The following PANK3 variants were observed in gnomAD, a reference collection of about 807,000 sequenced individuals.
PANK3 encodes pantothenate kinase 3, also known as hPanK3.
PANK3 carries 20 observed loss-of-function variants against 39.4 expected under a neutral mutation model. That is an observed-to-expected ratio of 0.51 (90% CI 0.36 to 0.74). PANK3 has a LOEUF of 0.74. Among genes scored for constraint, PANK3 ranks in the 30% least tolerant of loss-of-function variants. PANK3 has a pLI of 0.00. For synonymous variants in PANK3, 140 were observed against 157.3 expected, an observed-to-expected ratio of 0.89 and a Z score of 0.82; for missense variants, 265 against 437.0, an observed-to-expected ratio of 0.61 and a Z score of 3.51.
chr5:168,570,986 C>T (rs773578436), intron 1 of PANK3, among the ~76,000 whole-genome samples: 9 of 152,112 alleles, frequency 5.9e-5, no homozygotes, highest in Non-Finnish European at 1.0e-4. Flanking sequence ...AGATTCCTGA[C>T]GTCTTACCTC....
chr5:168,569,967 T>C (rs1759600308), intron 1 of PANK3, among the ~76,000 whole-genome samples: 2 of 151,534 alleles, frequency 1.3e-5, no homozygotes, highest in African/African-American at 4.9e-5. Context: ...GGAGGATCAC[T>C]TGAGTCCAGG....
rs150026739 is a variant in PANK3 at position 168,568,774 on chromosome 5, T to C, written c.253A>G (p.Ile85Val). The part of the protein sequence containing the change: ...LFGRRGNLHF[I>V]RFPTQDLPTF... ...GGCAGGTCCTGGGTTGGAAACCTGA[T>C]AAAGTGCAAGTTCCCTCTTCGGCCA... is the stretch of plus-strand genomic sequence containing the variant. The change falls in exon 2 of 7, where the codon ATC becomes GTC. Residue 85 changes from isoleucine to valine, a missense_variant. Ile to Val is a conservative substitution (Grantham distance 29). Around this residue, in one of 3 missense-constraint regions of PANK3, gnomAD observed 154 missense variants for 256.8 expected, o/e 0.60. Coordinates refer to ENST00000239231, the MANE Select transcript of PANK3 (RefSeq NM_024594.4). 3 of 1,614,122 alleles carry C rather than the reference T, an allele frequency of 1.9e-6. No homozygotes were observed. The highest frequency in any genetic ancestry group is 2.5e-6 in the Non-Finnish European group (3 of 1,180,006).
rs143486368 is a variant in PANK3, at chr5:168,552,665, C to G, written c.*4906G>C. 1 of 217,680 alleles carries G rather than the reference C, an allele frequency of 4.6e-6. No homozygotes were observed. The highest frequency in any genetic ancestry group is 2.3e-5 in the African/African-American group (1 of 43,212). 13.5% of individuals were successfully genotyped at this position (217,680 alleles called of 1,614,324 possible). On this transcript the variant is annotated 3_prime_UTR_variant, in exon 7 of 7. Transcript: ENST00000239231. Reference sequence around the variant, plus strand: ...TACAGACAAAGCTCATCCCACCATACTCATCCTTTAATAACAAAGAAACAA... The same window carrying G: ...TACAGACAAAGCTCATCCCACCATAGTCATCCTTTAATAACAAAGAAACAA...
rs1039201785 is a variant in PANK3 at position 168,558,173 on chromosome 5, T to A, written c.1063-552A>T. 1.2e-3 allele frequency among the ~76,000 whole-genome samples: 166 copies of A among 137,080 alleles called. No individual in the cohort carries two copies. The Middle Eastern group carries it at 0.033, about 28-fold the overall frequency. 89.9% of individuals were successfully genotyped at this position (137,080 alleles called of 152,430 possible). ...GGAAGCTTTTTTTTTTTTTTTTTTT[T>A]AGACAGTCTCGCTATCACCCAGGCT... On this transcript the variant is annotated intron_variant, in intron 6 of 6. Transcript: ENST00000239231.
In PANK3 at chr5:168,557,556, G is replaced by T. The variant is rs1297084573; in HGVS notation, c.*15C>A. 6.2e-7 allele frequency: 1 copy of T among 1,610,436 alleles called. No individual in the cohort carries two copies. The highest frequency in any genetic ancestry group is 1.7e-5 in the Admixed American group (1 of 59,872). ...CTTGGATGACATTTATTAGCAGAGA[G>T]AGAGACCTGATGCTTTAGCTGAAAT... On this transcript the variant is annotated 3_prime_UTR_variant, in exon 7 of 7. Transcript: ENST00000239231.
At position 168,548,629 on chromosome 5, in the gene PANK3, T is replaced by G. The variant is rs1376564312; in HGVS notation, c.*8942A>C. On this transcript the variant is annotated 3_prime_UTR_variant, in exon 7 of 7. Coordinates refer to ENST00000239231, the MANE Select transcript of PANK3 (RefSeq NM_024594.4). ...GGCAGAGAAACTGAAGTTGGCTTAA[T>G]GGTTATCCAATACAAACAAGCAAAA... 1.3e-5 allele frequency: 2 copies of G among 152,202 alleles called. No homozygotes were observed. The highest frequency in any genetic ancestry group is 4.8e-5 in the African/African-American group (2 of 41,444). The allele number at this position is 152,202 out of a possible 1,614,324, so 9.4% of individuals were successfully genotyped here.
At chr5:168,569,938 G>A (rs1759599957) in intron 1 of PANK3, among the ~76,000 whole-genome samples, 2 of 152,116 alleles carry the variant, frequency 1.3e-5, no homozygotes, top group African/African-American at 4.8e-5. Context: ...TGTAGTCCCA[G>A]TTACAGGAGG....
At chr5:168,558,531 T>C (rs1357935450) in intron 6 of PANK3, among the ~76,000 whole-genome samples, 1 of 152,188 alleles carries the variant, frequency 6.6e-6, no homozygotes, top group Non-Finnish European at 1.5e-5. Flanking sequence ...GATACAGCCA[T>C]TTGACTTTGA....
Position 168,567,505 on chromosome 5 carries a change from T to A in PANK3, c.381+1141A>T, listed in dbSNP as rs572394829. Among the ~76,000 whole-genome samples, 9 of 152,326 alleles carry A rather than the reference T, an allele frequency of 5.9e-5. No individual in the cohort carries two copies. The South Asian group carries it at 1.9e-3, about 32-fold the overall frequency. ...TTAGATATCACTTCCTCTGGGAACC[T>A]CTTCAACTCTCTAGCTGTTGTTACT... On this transcript the variant is annotated intron_variant, in intron 2 of 6. Transcript: ENST00000239231.
At position 168,549,911 on chromosome 5, in the gene PANK3, G is replaced by C. The variant is rs964874145; in HGVS notation, c.*7660C>G. 1.3e-5 allele frequency: 2 copies of C among 152,084 alleles called. No individual in the cohort carries two copies. The highest frequency in any genetic ancestry group is 2.9e-5 in the Non-Finnish European group (2 of 68,038). The allele number at this position is 152,084 out of a possible 1,614,324, so 9.4% of individuals were successfully genotyped here. Reference sequence around the variant, plus strand: ...ACTATAGGTGTGTGCCAACAAGCCTGGCTATTTTTTGTATTTTTAGTAGAG... The same window carrying C: ...ACTATAGGTGTGTGCCAACAAGCCTCGCTATTTTTTGTATTTTTAGTAGAG... On this transcript the variant is annotated 3_prime_UTR_variant, in exon 7 of 7. Transcript: ENST00000239231.
intron 1 of PANK3, among the ~76,000 whole-genome samples, chr5:168,576,975 G>A (rs1759741837): frequency 6.6e-6 from 1 of 151,938 alleles, no homozygotes; most frequent in Non-Finnish European, 1.5e-5. Context: ...CGCCTCCTGG[G>A]TTCCAGCAAT....
chr5:168,557,341 C>T lies in PANK3; in HGVS notation c.*230G>A, dbSNP rs1759365189. On this transcript the variant is annotated 3_prime_UTR_variant, in exon 7 of 7. Transcript: ENST00000239231. The stretch of plus-strand genomic sequence containing the variant: ...TCTTTTTAAGAGGAAGCTCAATAAT[C>T]AGAGGCTGTATTGCATTTAAGGATT... 1 of 414,876 alleles carries T rather than the reference C, an allele frequency of 2.4e-6. No individual in the cohort carries two copies. The highest frequency in any genetic ancestry group is 4.4e-6 in the Non-Finnish European group (1 of 227,910). 25.7% of individuals were successfully genotyped at this position (414,876 alleles called of 1,614,324 possible).
At position 168,579,354 on chromosome 5, in the gene PANK3, G is replaced by A. The variant is rs1286248309; in HGVS notation, c.-71C>T. 5 of 1,313,134 alleles carry A rather than the reference G, an allele frequency of 3.8e-6. No homozygotes were observed. The highest frequency in any genetic ancestry group is 5.0e-6 in the Non-Finnish European group (5 of 1,008,092). The allele number at this position is 1,313,134 out of a possible 1,614,324, so 81.3% of individuals were successfully genotyped here. On this transcript the variant is annotated 5_prime_UTR_variant, in exon 1 of 7. Transcript: ENST00000239231. ...GAGAGCAGAGGCGGCGACTCCGGAG[G>A]TGGCTGGGCCGCGCGGCGAGGCCCG...
chr5:168,549,852 T>A lies in PANK3; in HGVS notation c.*7719A>T, dbSNP rs143064408. ...TCTGCCCTCTGCCTCCCGGTTCAAG[T>A]GATTCTCCTGCCTCGGTCTCCCGAG... On this transcript the variant is annotated 3_prime_UTR_variant, in exon 7 of 7. Coordinates refer to ENST00000239231, the MANE Select transcript of PANK3 (RefSeq NM_024594.4). The A allele has an allele frequency of 6.6e-6, 1 of 152,298 alleles. No homozygotes were observed. Among genetic ancestry groups the A allele is most frequent in the African/African-American group, 2.4e-5 (1 of 41,542 alleles). 9.4% of individuals were successfully genotyped at this position (152,298 alleles called of 1,614,324 possible). A position where few individuals can be genotyped will look rare whatever the true frequency, so the allele number is the denominator to read the frequency against.
chr5:168,579,121 G>T, intron 1 of PANK3, 135 bp downstream of exon 1: 1 of 693,710 alleles, frequency 1.4e-6, no homozygotes, highest in Non-Finnish European at 2.2e-6. Flanking sequence ...TGGCTCAAAT[G>T]GTCCCTCCGC....
At chr5:168,571,823 C>T (rs936745445) in intron 1 of PANK3, among the ~76,000 whole-genome samples, 58 of 152,058 alleles carry the variant, frequency 3.8e-4, no homozygotes, top group Admixed American at 3.7e-3. Flanking sequence ...AGAAATAGCT[C>T]GTTCGTCTTT....
intron 1 of PANK3, among the ~76,000 whole-genome samples, chr5:168,569,867 T>C (rs535426393): frequency 6.6e-6 from 1 of 151,798 alleles, no homozygotes; most frequent in South Asian, 2.1e-4. Context: ...GCCTTGGCAA[T>C]ATAACAAGAT....
rs1383239505 is a variant in PANK3, at chr5:168,553,188, C to T, written c.*4383G>A. On this transcript the variant is annotated 3_prime_UTR_variant, in exon 7 of 7. Coordinates refer to ENST00000239231, the MANE Select transcript of PANK3 (RefSeq NM_024594.4). ...TCACTGGGCATAGCTCTTCAGACCCCAAGATGAACTCCAGACCAAAGATCT... is the reference window on the plus strand; with the variant it reads ...TCACTGGGCATAGCTCTTCAGACCCTAAGATGAACTCCAGACCAAAGATCT... 2 of 501,492 alleles carry T rather than the reference C, an allele frequency of 4.0e-6. No homozygotes were observed. The highest frequency in any genetic ancestry group is 2.0e-5 in the African/African-American group (1 of 50,986). The allele number at this position is 501,492 out of a possible 1,614,324, so 31.1% of individuals were successfully genotyped here.
At chr5:168,567,259 T>TG (rs1759551091) in intron 2 of PANK3, among the ~76,000 whole-genome samples, 1 of 152,210 alleles carries the variant, frequency 6.6e-6, no homozygotes, top group Non-Finnish European at 1.5e-5. Context: ...TCATGATCAA[T>TG]CTATGCATAG....
Sources: allele counts gnomAD v4.1 joint callset (sites outside exome capture counted in the v4.1 genomes callset), GRCh38; gene constraint gnomAD v4.1.1; regional missense constraint gnomAD v4.1.1; transcripts MANE v1.5; gene names NCBI Gene and HGNC (gene_info 2026-07-23, HGNC 2026-07-21).